RARB: variants seen among roughly 807,000 people sequenced by gnomAD.
RARB encodes the protein retinoic acid receptor beta.
In RARB, 17 loss-of-function variants were observed where a neutral mutation model predicts 51.9. The observed-to-expected ratio is 0.33, with a 90% confidence interval of 0.22 to 0.49. The LOEUF is 0.49. Among genes scored for constraint, RARB ranks in the 20% least tolerant of loss-of-function variants. The probability of loss-of-function intolerance (pLI) is 0.99; values close to 1 mark genes in which losing one functional copy is unlikely to be tolerated. For missense variants in RARB, 369 were observed against 550.8 expected (o/e 0.67, Z 3.30); for synonymous variants, 215 against 195.4 (o/e 1.10, Z -0.84).
At chr3:24,829,582 G>T (rs1702253338) in intron 1 of RARB, among the ~76,000 whole-genome samples, 1 of 152,218 alleles carries the variant, frequency 6.6e-6, no homozygotes, top group Non-Finnish European at 1.5e-5. Flanking sequence ...CTGGGGGTTG[G>T]GGGGTCTGCA....
chr3:24,951,514 G>T (rs560629659), intron 2 of RARB, among the ~76,000 whole-genome samples: 207 of 152,292 alleles, frequency 1.4e-3, no homozygotes, highest in Non-Finnish European at 2.0e-3. Flanking sequence ...TTGCTGAGAA[G>T]TGTCATAAGA....
At chr3:25,531,990 G>T (rs1261935253) in intron 3 of RARB, among the ~76,000 whole-genome samples, 4 of 151,966 alleles carry the variant, frequency 2.6e-5, no homozygotes, top group African/African-American at 9.7e-5. Context: ...TGATAGGTGG[G>T]GGTGGGGAGG....
chr3:25,365,511 A>C (rs7648222), intron 5 of RARB, among the ~76,000 whole-genome samples: 73,224 of 151,914 alleles, frequency 0.48, 18,208 homozygotes, highest in East Asian at 0.78. Context: ...GGGGCATAAA[A>C]CAACCATTTA....
rs79146434 is a variant in RARB, at chr3:25,150,926, T to G, written c.-280+18718T>G. ...TCCACTACCCAAAAGGAATTTCTTGTTTTTGCTCATAAGGCAGTTTATGTG... is the reference window on the plus strand; with the variant it reads ...TCCACTACCCAAAAGGAATTTCTTGGTTTTGCTCATAAGGCAGTTTATGTG... On this transcript the variant is annotated intron_variant, in intron 4 of 11. Coordinates refer to the RARB transcript ENST00000383772. Among the ~76,000 whole-genome samples the G allele has an allele frequency of 4.5e-3, 686 of 152,278 alleles. 13 individuals are homozygous for G. The highest frequency in any genetic ancestry group is 0.041 in the South Asian group (198 of 4,826).
intron 2 of RARB, among the ~76,000 whole-genome samples, chr3:24,988,569 T>A (rs4858676): frequency 0.48 from 73,085 of 151,964 alleles, 17,989 homozygotes; most frequent in Admixed American, 0.59. Flanking sequence ...TTCGTGTGTT[T>A]TATAAGGTAA....
chr3:25,030,349 C>A (rs1048052294), intron 2 of RARB, among the ~76,000 whole-genome samples: 1 of 152,100 alleles, frequency 6.6e-6, no homozygotes, highest in African/African-American at 2.4e-5. Flanking sequence ...GACTATTAAG[C>A]TAGGTTGGAA....
intron 1 of RARB, among the ~76,000 whole-genome samples, chr3:24,854,122 TTTC>T (rs1230643380): frequency 6.6e-6 from 1 of 152,146 alleles, no homozygotes; most frequent in Non-Finnish European, 1.5e-5. Flanking sequence ...TGACAGTTTG[TTTC>T]TTTTGTACAG....
intron 2 of RARB, among the ~76,000 whole-genome samples, chr3:24,980,068 CT>C (rs1227502067): frequency 6.6e-6 from 1 of 152,144 alleles, no homozygotes; most frequent in African/African-American, 2.4e-5. Flanking sequence ...GTTGAAAATT[CT>C]TTTCTTTAAG....
At chr3:25,031,244 C>T (rs2125290097) in intron 2 of RARB, among the ~76,000 whole-genome samples, 2 of 152,342 alleles carry the variant, frequency 1.3e-5, no homozygotes, top group South Asian at 4.1e-4. Flanking sequence ...AAACCCCTCT[C>T]CCCATACACC....
At position 25,580,744 on chromosome 3, in the gene RARB, C is replaced by T. The variant is rs768423328; in HGVS notation, c.786+22C>T. The T allele has an allele frequency of 5.2e-5, 82 of 1,584,424 alleles. No homozygotes were observed. In the Admixed American group the frequency reaches 1.4e-3, roughly 26 times the overall value. On this transcript the variant is annotated intron_variant, in intron 5 of 7. Coordinates refer to ENST00000330688, the MANE Select transcript of RARB (RefSeq NM_000965.5). ...CCTGGTATGTGCCTTTTTGAGCTCT[C>T]AATGGGTCTGGGGAGGGAGAGAGGG...
At chr3:25,155,851 G>C (rs1224387581) in intron 4 of RARB, among the ~76,000 whole-genome samples, 2 of 152,158 alleles carry the variant, frequency 1.3e-5, no homozygotes, top group African/African-American at 4.8e-5. Context: ...CCTTTCTATA[G>C]GAAAGGGGGC....
chr3:24,900,433 A>T (rs557789055), intron 2 of RARB, among the ~76,000 whole-genome samples: 1 of 152,316 alleles, frequency 6.6e-6, no homozygotes, highest in East Asian at 1.9e-4. Flanking sequence ...CATTCCCTTA[A>T]TGAACCTTTG....
At chr3:25,175,276 A>G (rs1700721190) in intron 5 of RARB, among the ~76,000 whole-genome samples, 1 of 152,236 alleles carries the variant, frequency 6.6e-6, no homozygotes. Flanking sequence ...TGTGGTAGCC[A>G]GCGAGCTTTT....
At chr3:25,213,351 A>T (rs1205031149) in intron 5 of RARB, among the ~76,000 whole-genome samples, 1 of 151,864 alleles carries the variant, frequency 6.6e-6, no homozygotes, top group Non-Finnish European at 1.5e-5. Context: ...CCTTAGCTCA[A>T]TTTTATGTTT....
At chr3:25,174,496 C>G (rs552167642) in exon 5 of RARB, 2 of 1,352,116 alleles carry the variant, frequency 1.5e-6, no homozygotes, top group South Asian at 2.3e-5. Flanking sequence ...CACCTGTCAT[C>G]GGAGGACTTT....
At chr3:24,987,864 A>G (rs1696828373) in intron 2 of RARB, among the ~76,000 whole-genome samples, 1 of 152,206 alleles carries the variant, frequency 6.6e-6, no homozygotes, top group South Asian at 2.1e-4. Flanking sequence ...TGCACGCACA[A>G]TTACATATAC....
chr3:25,354,392 A>C (rs1244503799), intron 5 of RARB, among the ~76,000 whole-genome samples: 1 of 151,998 alleles, frequency 6.6e-6, no homozygotes, highest in Non-Finnish European at 1.5e-5. Context: ...CCTGTCTGGA[A>C]TTTCCTCTTG....
At chr3:25,512,898 G>C (rs2125622764) in intron 3 of RARB, among the ~76,000 whole-genome samples, 1 of 152,200 alleles carries the variant, frequency 6.6e-6, no homozygotes, top group East Asian at 1.9e-4. Flanking sequence ...ACTGGCTGGG[G>C]GTGCTTCAAG....
chr3:24,829,436 C>G (rs1702250387), intron 1 of RARB, among the ~76,000 whole-genome samples: 1 of 152,186 alleles, frequency 6.6e-6, no homozygotes, highest in South Asian at 2.1e-4. Context: ...GCGGGTCTTC[C>G]TGTTGGGTGG....
Sources: allele counts gnomAD v4.1 joint callset (sites outside exome capture counted in the v4.1 genomes callset), GRCh38; gene constraint gnomAD v4.1.1; transcripts MANE v1.5; gene names NCBI Gene and HGNC (gene_info 2026-07-23, HGNC 2026-07-21).